Variants in SAXO1 observed in about 807,000 individuals in gnomAD.
SAXO1 encodes the protein stabilizer of axonemal microtubules 1.
In SAXO1, 21 loss-of-function variants were observed where a neutral mutation model predicts 17.5. The ratio of observed to expected loss-of-function variants is 1.20; its 90% CI spans 0.85 to 1.72. The LOEUF (loss-of-function observed/expected upper bound fraction) is 1.72. SAXO1 is among the 40% of genes most tolerant of loss of function. The pLI, the probability that SAXO1 is intolerant of heterozygous loss-of-function variation, is 0.00. For missense variants in SAXO1, 843 were observed against 596.0 expected (o/e 1.41, Z -4.32); for synonymous variants, 274 against 216.5 (o/e 1.27, Z -2.33).
intron 1 of SAXO1, among the ~76,000 whole-genome samples, chr9:18,992,789 A>G (rs529691264): frequency 1.3e-5 from 2 of 150,852 alleles, no homozygotes; most frequent in Non-Finnish European, 3.0e-5. Context: ...TTTTTTTTAG[A>G]CAAAGTTTAG....
intron 1 of SAXO1, among the ~76,000 whole-genome samples, chr9:19,010,879 T>C (rs1027497081): frequency 3.3e-5 from 5 of 152,290 alleles, no homozygotes; most frequent in Admixed American, 2.0e-4. Flanking sequence ...CCACCAAATA[T>C]TGAACATTTA....
rs779971961 is a variant in SAXO1, at chr9:18,941,854, G to C, written c.219-15C>G. 5.0e-6 allele frequency: 8 copies of C among 1,613,668 alleles called. No homozygotes were observed. Among genetic ancestry groups the C allele is most frequent in the South Asian group, 2.2e-5 (2 of 91,068 alleles). ...CAAAATCTCTCCTGTAAGGAAGCAA[G>C]TGCATGCTGTTGGGGTCCTTGGCTT... On this transcript the variant is annotated splice_polypyrimidine_tract_variant and intron_variant, in intron 2 of 3. Coordinates refer to ENST00000380534, the MANE Select transcript of SAXO1 (RefSeq NM_153707.4).
At chr9:18,933,739 C>T (rs1456928973) in intron 3 of SAXO1, among the ~76,000 whole-genome samples, 4 of 152,172 alleles carry the variant, frequency 2.6e-5, no homozygotes, top group African/African-American at 7.2e-5. Context: ...CTGAAGAGAA[C>T]TTAGCCATTA....
At chr9:18,956,783 G>T (rs1436476825) in intron 1 of SAXO1, among the ~76,000 whole-genome samples, 1 of 152,212 alleles carries the variant, frequency 6.6e-6, no homozygotes, top group Non-Finnish European at 1.5e-5. Context: ...AGGCTAATTT[G>T]TGGAGCAATT....
chr9:19,024,188 C>T (rs1053940102), intron 1 of SAXO1, among the ~76,000 whole-genome samples: 1 of 151,874 alleles, frequency 6.6e-6, no homozygotes, highest in Non-Finnish European at 1.5e-5. Flanking sequence ...CCTGCAGGCT[C>T]AAGTACTCAG....
rs1835575927 is a variant in SAXO1, at chr9:19,027,992, GGGCCCAGTGCAA to G, written c.38+4867_38+4878del. On this transcript the variant is annotated intron_variant, in intron 1 of 3. Transcript: ENST00000380534. ...ACCCGCTGCACAGATGACTTCAACGGGGCCCAGTGCAAGGCTGTGTCTGTGGAGGCGGGTATG... is the reference window on the plus strand; with the variant it reads ...ACCCGCTGCACAGATGACTTCAACGGGGCTGTGTCTGTGGAGGCGGGTATG... 5 of 1,586,118 alleles carry G rather than the reference GGGCCCAGTGCAA, an allele frequency of 3.2e-6. No individual in the cohort carries two copies. In the South Asian group the frequency reaches 5.6e-5, roughly 18 times the overall value.
chr9:18,929,670 G>A (rs968922769), intron 3 of SAXO1, among the ~76,000 whole-genome samples: 3 of 152,240 alleles, frequency 2.0e-5, no homozygotes, highest in Non-Finnish European at 4.4e-5. Flanking sequence ...ATAACAGGCA[G>A]TATTCTAAGT....
At chr9:19,040,451 C>T (rs542718824) in intron 1 of SAXO1, among the ~76,000 whole-genome samples, 1 of 151,854 alleles carries the variant, frequency 6.6e-6, no homozygotes, top group Non-Finnish European at 1.5e-5. Flanking sequence ...GAGACCAGCC[C>T]GGCTGACATT....
chr9:19,027,291 C>T (rs553583284), intron 1 of SAXO1: 1 of 882,326 alleles, frequency 1.1e-6, no homozygotes, highest in East Asian at 2.4e-5. Context: ...GCCAGGAGAC[C>T]TGGTGGGTGT....
At position 19,015,591 on chromosome 9, in the gene SAXO1, C is replaced by T. The variant is rs117156630; in HGVS notation, c.38+17280G>A. Among the ~76,000 whole-genome samples the T allele has an allele frequency of 1.0e-3, 159 of 151,816 alleles. 7 individuals carry two copies. In the East Asian group the frequency reaches 0.029, roughly 27 times the overall value. On this transcript the variant is annotated intron_variant, in intron 1 of 3. Transcript: ENST00000380534. ...ACTCCTAACCTCGAGTGATCACCCA[C>T]TTCTGCCTCCCAAAGTGCTGGGATT...
chr9:18,979,573 G>A (rs1833287198), intron 1 of SAXO1, among the ~76,000 whole-genome samples: 1 of 152,208 alleles, frequency 6.6e-6, no homozygotes, highest in Non-Finnish European at 1.5e-5. Flanking sequence ...GTCACACCAG[G>A]AAGGGCTGAC....
chr9:18,949,405 G>A (rs115597673), intron 2 of SAXO1, among the ~76,000 whole-genome samples: 2,556 of 152,138 alleles, frequency 0.017, 78 homozygotes, highest in African/African-American at 0.059. Flanking sequence ...TGCACTGAGC[G>A]ATGATCACAC....
Position 19,027,643 on chromosome 9 carries a change from T to A in SAXO1, c.38+5228A>T. On this transcript the variant is annotated intron_variant, in intron 1 of 3. Coordinates refer to ENST00000380534, the MANE Select transcript of SAXO1 (RefSeq NM_153707.4). ...GAGATGGTGCCAAGCTAGTCCGGGA[T>A]GCCTTCGCCCTGGCCAAGGAGAAAG... 4.3e-6 allele frequency: 6 copies of A among 1,401,240 alleles called. No homozygotes were observed. In the Admixed American group the frequency reaches 1.0e-4, roughly 24 times the overall value. 86.8% of individuals were successfully genotyped at this position (1,401,240 alleles called of 1,614,324 possible).
intron 1 of SAXO1, among the ~76,000 whole-genome samples, chr9:19,044,638 A>T (rs922014763): frequency 6.6e-6 from 1 of 150,956 alleles, no homozygotes; most frequent in African/African-American, 2.4e-5. Flanking sequence ...CTGAGGCGGC[A>T]GATCACAAGG....
rs768668083 is a variant in SAXO1 at position 18,941,855 on chromosome 9, T to C, written c.219-16A>G. Reference sequence around the variant, plus strand: ...AAAATCTCTCCTGTAAGGAAGCAAGTGCATGCTGTTGGGGTCCTTGGCTTG... The same window carrying C: ...AAAATCTCTCCTGTAAGGAAGCAAGCGCATGCTGTTGGGGTCCTTGGCTTG... On this transcript the variant is annotated splice_polypyrimidine_tract_variant and intron_variant, in intron 2 of 3. Coordinates refer to ENST00000380534, the MANE Select transcript of SAXO1 (RefSeq NM_153707.4). 7 of 1,613,558 alleles carry C rather than the reference T, an allele frequency of 4.3e-6. No homozygotes were observed. The highest frequency in any genetic ancestry group is 2.2e-5 in the East Asian group (1 of 44,872).
chr9:18,959,895 C>T (rs917704238), intron 1 of SAXO1, among the ~76,000 whole-genome samples: 6 of 152,110 alleles, frequency 3.9e-5, no homozygotes. Context: ...CCCTGCTGGA[C>T]ACAGCTGGCC....
intron 1 of SAXO1, among the ~76,000 whole-genome samples, chr9:18,973,076 A>G (rs1171081464): frequency 2.6e-5 from 4 of 152,232 alleles, no homozygotes; most frequent in African/African-American, 9.7e-5. Context: ...TGGAGTCAGA[A>G]CACTGGAAAA....
chr9:19,045,279 C>T lies in SAXO1; in HGVS notation c.-158+3930G>A, dbSNP rs531178949. Among the ~76,000 whole-genome samples, 360 of 136,640 alleles carry T rather than the reference C, an allele frequency of 2.6e-3. 5 individuals are homozygous for T. In the South Asian group the frequency reaches 0.032, roughly 12 times the overall value. 89.6% of individuals were successfully genotyped at this position (136,640 alleles called of 152,430 possible). ...GAGCCGAGATTGCGCCACTGCAGTC[C>T]GCAGTCCGGCCTGGGCGACAGAGCG... On this transcript the variant is annotated intron_variant, in intron 1 of 3. Transcript: ENST00000542071.
chr9:18,973,882 T>C (rs10963886), intron 1 of SAXO1, among the ~76,000 whole-genome samples: 8,831 of 152,334 alleles, frequency 0.058, 325 homozygotes, highest in African/African-American at 0.11. Flanking sequence ...CATTCATCCA[T>C]ATGACACTCT....
Sources: allele counts gnomAD v4.1 joint callset (sites outside exome capture counted in the v4.1 genomes callset), GRCh38; gene constraint gnomAD v4.1.1; transcripts MANE v1.5; gene names NCBI Gene and HGNC (gene_info 2026-07-23, HGNC 2026-07-21).